Variants in MROH9 observed in about 807,000 individuals in gnomAD.
MROH9 encodes the protein maestro heat like repeat family member 9, also known as maestro heat-like repeat-containing protein family member 9.
A neutral mutation model predicts 98.2 loss-of-function variants in MROH9; 92 were observed. That is an observed-to-expected ratio of 0.94 (90% confidence interval 0.79 to 1.11). The LOEUF (loss-of-function observed/expected upper bound fraction) is 1.11. Among genes scored for constraint, MROH9 ranks in the 50% most tolerant of loss-of-function variants. The pLI is 0.00. For synonymous variants in MROH9, 397 were observed against 368.9 expected (o/e 1.08, Z -0.87); for missense variants, 1,057 against 1,014.8 (o/e 1.04, Z -0.57).
chr1:171,002,174 T>C (rs904315696), intron 15 of MROH9, among the ~76,000 whole-genome samples: 21 of 152,188 alleles, frequency 1.4e-4, no homozygotes, highest in Admixed American at 7.9e-4. Flanking sequence ...AGATAGTTGG[T>C]TGGTGAGTTC....
intron 3 of MROH9, among the ~76,000 whole-genome samples, chr1:170,955,011 G>T (rs1410581646): frequency 6.6e-6 from 1 of 151,920 alleles, no homozygotes; most frequent in South Asian, 2.1e-4. Flanking sequence ...TCATTCTTAT[G>T]CCTTTGCATC....
At chr1:170,987,255 C>A (rs748831949) in intron 10 of MROH9, among the ~76,000 whole-genome samples, 1 of 152,122 alleles carries the variant, frequency 6.6e-6, no homozygotes, top group African/African-American at 2.4e-5. Context: ...TAATATTTTG[C>A]CATATTTGCT....
chr1:171,054,283 G>A (rs1653759335), intron 20 of MROH9, among the ~76,000 whole-genome samples: 1 of 152,284 alleles, frequency 6.6e-6, no homozygotes, highest in African/African-American at 2.4e-5. Context: ...GTGGGGATAT[G>A]ACACCCTATT....
intron 15 of MROH9, among the ~76,000 whole-genome samples, chr1:171,002,085 G>T (rs1178864299): frequency 1.3e-5 from 2 of 152,034 alleles, no homozygotes; most frequent in Non-Finnish European, 2.9e-5. Context: ...GTGTTCATTT[G>T]CATGAAATCC....
At chr1:171,003,922 G>T (rs1651865245) in intron 15 of MROH9, among the ~76,000 whole-genome samples, 1 of 152,110 alleles carries the variant, frequency 6.6e-6, no homozygotes, top group Non-Finnish European at 1.5e-5. Context: ...TGCCATGGCT[G>T]CTGTAGGGGA....
At chr1:171,000,416 T>C (rs1320661078) in intron 15 of MROH9, among the ~76,000 whole-genome samples, 1 of 152,120 alleles carries the variant, frequency 6.6e-6, no homozygotes, top group Non-Finnish European at 1.5e-5. Flanking sequence ...ATGTCCCTTG[T>C]ATGCCGATTT....
chr1:170,979,800 T>C (rs1435097443), intron 8 of MROH9, among the ~76,000 whole-genome samples: 1 of 152,180 alleles, frequency 6.6e-6, no homozygotes, highest in Non-Finnish European at 1.5e-5. Context: ...GAGGAAGTCA[T>C]CTCTGTTTGC....
At chr1:171,003,953 C>T (rs9426924) in intron 15 of MROH9, among the ~76,000 whole-genome samples, 13,525 of 152,100 alleles carry the variant, frequency 0.089, 710 homozygotes, top group Middle Eastern at 0.17. Context: ...AGTCCCAAGT[C>T]ACTGGAGTTG....
At chr1:170,945,646 G>A (rs1649301757) in intron 2 of MROH9, 65 bp downstream of exon 2, 8 of 1,369,822 alleles carry the variant, frequency 5.8e-6, no homozygotes, top group South Asian at 1.3e-5. Context: ...GTGTATGAGT[G>A]ACAGATGACA....
intron 3 of MROH9, among the ~76,000 whole-genome samples, chr1:170,952,940 A>G (rs1571443475): frequency 2.0e-5 from 3 of 152,164 alleles, no homozygotes; most frequent in Middle Eastern, 6.8e-3. Flanking sequence ...GCTCAGATGT[A>G]TAACACAAAA....
rs1491471283 is a variant in MROH9, at chr1:170,972,825, A to ATATACAC, written c.616+942_616+943insTATACAC. Among the ~76,000 whole-genome samples the ATATACAC allele has an allele frequency of 1.4e-3, 51 of 35,610 alleles. 1 individual carries two copies. Among genetic ancestry groups the ATATACAC allele is most frequent in the African/African-American group, 3.5e-3 (30 of 8,610 alleles). 23.4% of individuals were successfully genotyped at this position (35,610 alleles called of 152,430 possible). A position where few individuals can be genotyped will look rare whatever the true frequency, so the allele number is the denominator to read the frequency against. On this transcript the variant is annotated intron_variant, in intron 8 of 21. Transcript: ENST00000367759. ...AGACTCCGCCTCAAAAAAAAAAAAA[A>ATATACAC]AAATACACACACACACACACACACA...
chr1:171,033,031 A>G (rs1425366414), intron 20 of MROH9, among the ~76,000 whole-genome samples: 1 of 152,236 alleles, frequency 6.6e-6, no homozygotes, highest in African/African-American at 2.4e-5. Context: ...GGTAAGAGTC[A>G]GGCCTGTAGA....
At chr1:170,962,555 C>T (rs945794181) in intron 6 of MROH9, among the ~76,000 whole-genome samples, 6 of 152,078 alleles carry the variant, frequency 3.9e-5, no homozygotes, top group Non-Finnish European at 7.4e-5. Flanking sequence ...GCATCAGAGG[C>T]CAACTGTCCA....
Position 170,994,947 on chromosome 1 carries a change from C to T in MROH9, c.1195-442C>T, listed in dbSNP as rs558443372. On this transcript the variant is annotated intron_variant, in intron 12 of 21. Coordinates refer to ENST00000367759, the MANE Select transcript of MROH9 (RefSeq NM_001163629.2). Reference sequence around the variant, plus strand: ...CCATATTTCTGATGTGGTGACCTCCCGCCCATATTGCAGTAGTCAATAGGC... The same window carrying T: ...CCATATTTCTGATGTGGTGACCTCCTGCCCATATTGCAGTAGTCAATAGGC... Among the ~76,000 whole-genome samples the T allele has an allele frequency of 2.2e-5, 3 of 136,776 alleles. No homozygotes were observed. In the South Asian group the frequency reaches 6.9e-4, roughly 31 times the overall value. The allele number at this position is 136,776 out of a possible 152,430, so 89.7% of individuals were successfully genotyped here. A position where few individuals can be genotyped will look rare whatever the true frequency, so the allele number is the denominator to read the frequency against.
chr1:171,032,801 G>A (rs550032614), intron 20 of MROH9, among the ~76,000 whole-genome samples: 206 of 152,286 alleles, frequency 1.4e-3, no homozygotes, highest in African/African-American at 4.4e-3. Flanking sequence ...TTGTCCCTTC[G>A]CAGAGGGGGT....
intron 17 of MROH9, among the ~76,000 whole-genome samples, chr1:171,022,419 A>G (rs929162429): frequency 6.6e-6 from 1 of 152,220 alleles, no homozygotes; most frequent in African/African-American, 2.4e-5. Context: ...ATGCAGCCAT[A>G]AAAAGGAATG....
intron 17 of MROH9, among the ~76,000 whole-genome samples, chr1:171,023,833 C>T (rs116028135): frequency 1.1e-3 from 169 of 152,112 alleles, no homozygotes; most frequent in African/African-American, 2.9e-3. Context: ...ACTAGACTTA[C>T]ATTAGATCTC....
At chr1:170,952,306 T>C (rs966951474) in intron 3 of MROH9, among the ~76,000 whole-genome samples, 2 of 152,124 alleles carry the variant, frequency 1.3e-5, no homozygotes, top group African/African-American at 2.4e-5. Flanking sequence ...CACACATATG[T>C]TTATTGTGGC....
At chr1:170,940,345 T>A (rs1177588481) in intron 1 of MROH9, among the ~76,000 whole-genome samples, 1 of 152,218 alleles carries the variant, frequency 6.6e-6, no homozygotes, top group African/African-American at 2.4e-5. Flanking sequence ...TACTTCTTGT[T>A]CAGAAGATCC....
Sources: allele counts gnomAD v4.1 joint callset (sites outside exome capture counted in the v4.1 genomes callset), GRCh38; gene constraint gnomAD v4.1.1; transcripts MANE v1.5; gene names NCBI Gene and HGNC (gene_info 2026-07-23, HGNC 2026-07-21).